TAMALIN: variants seen among roughly 807,000 people sequenced by gnomAD.
TAMALIN encodes the protein protein TAMALIN.
A neutral mutation model predicts 38.5 loss-of-function variants in TAMALIN; 9 were observed. The ratio of observed to expected loss-of-function variants is 0.23; its 90% CI spans 0.14 to 0.41. The LOEUF (loss-of-function observed/expected upper bound fraction) is 0.41, where lower values mean the gene tolerates loss of function less well. Ranked by LOEUF, TAMALIN falls within the 10% of genes least tolerant of loss-of-function variation. The pLI is 1.00. For synonymous variants in TAMALIN, 306 were observed against 256.5 expected, an observed-to-expected ratio of 1.19 and a Z score of -1.85; for missense variants, 548 against 554.1, an observed-to-expected ratio of 0.99 and a Z score of 0.11.
chr12:52,013,962 C>A lies in TAMALIN; in HGVS notation c.615+19C>A. 1 of 1,612,428 alleles carries A rather than the reference C, an allele frequency of 6.2e-7. No individual in the cohort carries two copies. On this transcript the variant is annotated intron_variant, in intron 6 of 7. Transcript: ENST00000293662. The stretch of plus-strand genomic sequence containing the variant: ...CCTGAAGGTAGGGGAACCTAGATAA[C>A]GTCCAGCCTCCACCCTCCTCTTCCC...
rs2120819651 is a variant in TAMALIN, at chr12:52,007,362, A to G, written c.246+97A>G. ...AGTGCCCTCTCCTCGGCGTCCGCGG[A>G]GTCCCCCACCTTCTTCCCCGGCCCG... On this transcript the variant is annotated intron_variant, in intron 1 of 7. Transcript: ENST00000293662. This position sits in a 1 kb window ranked among gnomAD's most constrained non-coding sequence, Gnocchi z 6.7. 1.6e-6 allele frequency: 2 copies of G among 1,283,610 alleles called. No individual in the cohort carries two copies. Among genetic ancestry groups the G allele is most frequent in the Non-Finnish European group, 2.0e-6 (2 of 1,015,592 alleles). 79.5% of individuals were successfully genotyped at this position (1,283,610 alleles called of 1,614,324 possible). A position where few individuals can be genotyped will look rare whatever the true frequency, so the allele number is the denominator to read the frequency against.
rs1386417523 is a variant in TAMALIN at position 52,010,891 on chromosome 12, A to G, written c.307A>G (p.Thr103Ala). ...CTGTGTCTCTTGCAGGAAAGTGCTG[A>G]CGTTGGAGAAGGAGGATAACCAGAC... ...QSPEQQRKVL[T>A]LEKEDNQTFG... Residue 103 changes from threonine (T) to alanine (A), a missense_variant, in exon 3 of 8, where the codon ACG (threonine) becomes GCG (alanine). Physicochemically the swap from Thr to Ala is moderately conservative, Grantham distance 58. Coordinates refer to ENST00000293662, the MANE Select transcript of TAMALIN (RefSeq NM_181711.4). 1 of 1,613,968 alleles carries G rather than the reference A, an allele frequency of 6.2e-7. No homozygotes were observed.
chr12:52,010,759 G>T, intron 2 of TAMALIN, 122 bp from the exon 3 acceptor site: 1 of 1,117,790 alleles, frequency 8.9e-7, no homozygotes, highest in Non-Finnish European at 1.4e-6. Context: ...AGACTGAGCT[G>T]TCACTGGAGA....
Position 52,011,371 on chromosome 12 carries a change from C to T in TAMALIN, c.454+230C>T. 1.5e-6 allele frequency: 1 copy of T among 659,430 alleles called. No individual in the cohort carries two copies. The highest frequency in any genetic ancestry group is 2.6e-6 in the Non-Finnish European group (1 of 381,076). 40.8% of individuals were successfully genotyped at this position (659,430 alleles called of 1,614,324 possible). A position where few individuals can be genotyped will look rare whatever the true frequency, so the allele number is the denominator to read the frequency against. ...AAATGAGGGTAATAATGCATCCAAA[C>T]ATCACAGTGCGGCAAGGGGATTCCC... On this transcript the variant is annotated intron_variant, in intron 4 of 7. Coordinates refer to ENST00000293662, the MANE Select transcript of TAMALIN (RefSeq NM_181711.4). This position sits in a 1 kb window ranked among gnomAD's most constrained non-coding sequence, Gnocchi z 5.3.
rs1426326752 is a variant in TAMALIN, at chr12:52,014,746, C to T, written c.735C>T (p.Ser245=). Residue 245 remains serine (S), a synonymous_variant, in exon 8 of 8, where the codon TCC becomes TCT. Coordinates refer to ENST00000293662, the MANE Select transcript of TAMALIN (RefSeq NM_181711.4). The part of the protein sequence containing the change: ...SIYDTLESVR[S]CLYGAGLLPG... Reference sequence around the variant, plus strand: ...ACGACACGCTGGAGTCGGTGCGCTCCTGCCTCTACGGCGCGGGCCTGCTCC... The same window carrying T: ...ACGACACGCTGGAGTCGGTGCGCTCTTGCCTCTACGGCGCGGGCCTGCTCC... The T allele has an allele frequency of 2.6e-6, 4 of 1,523,950 alleles. No homozygotes were observed. In the East Asian group the frequency reaches 1.0e-4, roughly 39 times the overall value. The allele number at this position is 1,523,950 out of a possible 1,614,324, so 94.4% of individuals were successfully genotyped here. A position where few individuals can be genotyped will look rare whatever the true frequency, so the allele number is the denominator to read the frequency against.
Position 52,006,976 on chromosome 12 carries a change from AG to A in TAMALIN, c.-40del, listed in dbSNP as rs1942421078. The stretch of plus-strand genomic sequence containing the variant: ...CCCCCAGCCGCCGCCAGCCCCGCCG[AG>A]GGGAGCCAGCGCCGTCTCTGAGGGG... On this transcript the variant is annotated 5_prime_UTR_variant, in exon 1 of 8. Transcript: ENST00000293662. 3.5e-6 allele frequency: 4 copies of A among 1,130,620 alleles called. No homozygotes were observed. Among genetic ancestry groups the A allele is most frequent in the Non-Finnish European group, 2.2e-6 (2 of 918,658 alleles). The allele number at this position is 1,130,620 out of a possible 1,614,324, so 70.0% of individuals were successfully genotyped here. A position where few individuals can be genotyped will look rare whatever the true frequency, so the allele number is the denominator to read the frequency against.
chr12:52,012,952 G>A (rs1356994687), intron 4 of TAMALIN, among the ~76,000 whole-genome samples: 1 of 152,176 alleles, frequency 6.6e-6, no homozygotes, highest in Non-Finnish European at 1.5e-5. Flanking sequence ...TTCCCAGCTG[G>A]GTGCTGCTCA....
intron 1 of TAMALIN, chr12:52,008,412 C>T (rs1942449135): frequency 1.0e-6 from 1 of 984,818 alleles, no homozygotes; most frequent in Non-Finnish European, 1.2e-6. Flanking sequence ...TCCTCCACAC[C>T]CCCCACCACC....
Position 52,013,760 on chromosome 12 carries a change from G to T in TAMALIN, c.528G>T (p.Lys176Asn), listed in dbSNP as rs1289497412. 6.2e-7 allele frequency: 1 copy of T among 1,614,182 alleles called. No individual in the cohort carries two copies. The highest frequency in any genetic ancestry group is 1.1e-5 in the South Asian group (1 of 91,082). ...IRHREIVDIIKASGNVLRLET... is the reference protein window; with the variant it reads ...IRHREIVDIINASGNVLRLET... ...ATCGAGAGATTGTGGACATCATTAA[G>T]GCGTCAGGCAATGTTCTCAGGTATG... Residue 176 changes from lysine to asparagine, a missense_variant, in exon 5 of 8, where the codon AAG becomes AAT. Lys to Asn is a moderately conservative substitution (Grantham distance 94). Around this residue, in one of 3 missense-constraint regions of TAMALIN, gnomAD observed 415 missense variants for 417.0 expected, o/e 1.00. Coordinates refer to ENST00000293662, the MANE Select transcript of TAMALIN (RefSeq NM_181711.4).
chr12:52,014,889 C>G lies in TAMALIN; in HGVS notation c.878C>G (p.Ser293Cys). The G allele has an allele frequency of 8.1e-7, 1 of 1,230,230 alleles. No individual in the cohort carries two copies. The highest frequency in any genetic ancestry group is 1.0e-6 in the Non-Finnish European group (1 of 976,542). The allele number at this position is 1,230,230 out of a possible 1,614,324, so 76.2% of individuals were successfully genotyped here. The change falls in exon 8 of 8, where the codon TCC (serine) becomes TGC (cysteine). Residue 293 changes from serine to cysteine, a missense_variant. Around this residue, in one of 3 missense-constraint regions of TAMALIN, gnomAD observed 415 missense variants for 417.0 expected, o/e 1.00. Coordinates refer to ENST00000293662, the MANE Select transcript of TAMALIN (RefSeq NM_181711.4). ...TACCACACGTGCTTCTTCGGGGACT[C>G]CGAGCCGCCGGCGCTGCCGCCCCCG... ...AVYHTCFFGD[S>C]EPPALPPPPP... is the part of the protein sequence containing the mutation.
chr12:52,013,977 C>T (rs767036728), intron 6 of TAMALIN, 34 bp downstream of exon 6: 3 of 1,606,092 alleles, frequency 1.9e-6, no homozygotes, highest in Non-Finnish European at 2.6e-6. Context: ...AGCCTCCACC[C>T]TCCTCTTCCC....
In TAMALIN at chr12:52,007,084, C is replaced by A; in HGVS notation, c.65C>A (p.Ala22Asp). ...KEEAAATPDPAARTPDSEVAP... is the reference protein window; with the variant it reads ...KEEAAATPDPDARTPDSEVAP... ...GAGGCGGCGGCCACCCCGGACCCCG[C>A]CGCCCGGACTCCCGACTCGGAAGTC... The change falls in exon 1 of 8, where the codon GCC (alanine) becomes GAC (aspartate). Residue 22 changes from alanine to aspartate, a missense_variant. Around this residue, in one of 3 missense-constraint regions of TAMALIN, gnomAD observed 128 missense variants for 117.9 expected, o/e 1.09. Coordinates refer to ENST00000293662, the MANE Select transcript of TAMALIN (RefSeq NM_181711.4). The surrounding 1 kb of genome is among the most constrained non-coding windows in gnomAD (Gnocchi z 6.7). 1 of 1,477,614 alleles carries A rather than the reference C, an allele frequency of 6.8e-7. No individual in the cohort carries two copies. Among genetic ancestry groups the A allele is most frequent in the East Asian group, 2.9e-5 (1 of 34,030 alleles). 91.5% of individuals were successfully genotyped at this position (1,477,614 alleles called of 1,614,324 possible).
intron 2 of TAMALIN, chr12:52,010,408 C>A: frequency 1.4e-6 from 1 of 701,616 alleles, no homozygotes; most frequent in African/African-American, 1.9e-5. Flanking sequence ...CCAGCCCCCA[C>A]ATCTGGTGGG....
intron 6 of TAMALIN, 25 bp from the exon 7 acceptor site, chr12:52,014,110 G>C: frequency 1.2e-6 from 2 of 1,601,022 alleles, no homozygotes; most frequent in Non-Finnish European, 1.7e-6. Flanking sequence ...GCTTGTGACA[G>C]TGGGGTGGGG....
rs367755940 is a variant in TAMALIN at position 52,013,501 on chromosome 12, T to C, written c.455-186T>C. ...GCCCACAAGAATGGCTGTGGTTCTGTGTGTTTGGATCGAGTATGAGAGATG... is the reference window on the plus strand; with the variant it reads ...GCCCACAAGAATGGCTGTGGTTCTGCGTGTTTGGATCGAGTATGAGAGATG... On this transcript the variant is annotated intron_variant, in intron 4 of 7. Transcript: ENST00000293662. 2.3e-4 allele frequency: 135 copies of C among 596,602 alleles called. 2 individuals are homozygous for C. The East Asian group carries it at 2.4e-3, about 11-fold the overall frequency. The allele number at this position is 596,602 out of a possible 1,614,324, so 37.0% of individuals were successfully genotyped here. A position where few individuals can be genotyped will look rare whatever the true frequency, so the allele number is the denominator to read the frequency against.
rs370223758 is a variant in TAMALIN, at chr12:52,010,867, T to C, written c.297-14T>C. On this transcript the variant is annotated splice_polypyrimidine_tract_variant and intron_variant, in intron 2 of 7. Transcript: ENST00000293662. ...TTTTAATCCTAATTGTCTTGACCCC[T>C]GTGTCTCTTGCAGGAAAGTGCTGAC... 1.3e-5 allele frequency: 21 copies of C among 1,613,766 alleles called. No homozygotes were observed. In the African/African-American group the frequency reaches 1.5e-4, roughly 11 times the overall value.
chr12:52,015,558 T>C lies in TAMALIN; in HGVS notation c.*359T>C. On this transcript the variant is annotated 3_prime_UTR_variant, in exon 8 of 8. Coordinates refer to ENST00000293662, the MANE Select transcript of TAMALIN (RefSeq NM_181711.4). ...TGTCCCATGAAGCCCTCTCCTCAGC[T>C]TTACTTGCTCCCCCGCCCTTAGCCT... 4.9e-6 allele frequency: 1 copy of C among 203,486 alleles called. No individual in the cohort carries two copies. Among genetic ancestry groups the C allele is most frequent in the Non-Finnish European group, 1.0e-5 (1 of 98,708 alleles). The allele number at this position is 203,486 out of a possible 1,614,324, so 12.6% of individuals were successfully genotyped here.
In TAMALIN at chr12:52,014,207, T is replaced by C; in HGVS notation, c.682+6T>C. On this transcript the variant is annotated splice_donor_region_variant and intron_variant, in intron 7 of 7. Coordinates refer to ENST00000293662, the MANE Select transcript of TAMALIN (RefSeq NM_181711.4). ...GGAGCAGCGGCTGGTGCATGGTGAG[T>C]AGATCCCGGGGTGTGAGGGGCCACT... is the stretch of plus-strand genomic sequence containing the variant. The C allele has an allele frequency of 1.3e-6, 2 of 1,593,508 alleles. No individual in the cohort carries two copies. Among genetic ancestry groups the C allele is most frequent in the Admixed American group, 1.8e-5 (1 of 56,824 alleles).
intron 2 of TAMALIN, 48 bp downstream of exon 2, chr12:52,009,287 G>A (rs1308025215): frequency 6.3e-7 from 1 of 1,583,576 alleles, no homozygotes; most frequent in Non-Finnish European, 8.7e-7. Context: ...GGGGTGAGGT[G>A]CTGGGTTGGG....
Sources: gnomAD v4.1 joint callset for allele counts (sites outside exome capture counted in the v4.1 genomes callset) on GRCh38, gnomAD v4.1.1 for gene constraint, gnomAD v4.1.1 regional missense constraint, Gnocchi (gnomAD v3.1) non-coding constraint, MANE v1.5 for transcripts, NCBI Gene and HGNC (gene_info 2026-07-23, HGNC 2026-07-21) for gene names.